IL22RA2: variants seen among roughly 807,000 people sequenced by gnomAD.
IL22RA2 encodes interleukin-22 receptor subunit alpha-2.
Under a neutral mutation model 30.7 loss-of-function variants are expected in IL22RA2, and 39 were observed. The observed-to-expected ratio is 1.27, with a 90% confidence interval of 0.98 to 1.66. The LOEUF (loss-of-function observed/expected upper bound fraction) is 1.66, where lower values mean the gene tolerates loss of function less well. Among genes scored for constraint, IL22RA2 ranks in the 40% most tolerant of loss-of-function variants. The pLI, the probability that IL22RA2 is intolerant of heterozygous loss-of-function variation, is 0.00. For synonymous variants in IL22RA2, 103 were observed against 105.0 expected, an observed-to-expected ratio of 0.98 and a Z score of 0.11; for missense variants, 315 against 312.7, an observed-to-expected ratio of 1.01 and a Z score of -0.05.
At chr6:137,168,675 A>G (rs1778673399) in intron 1 of IL22RA2, among the ~76,000 whole-genome samples, 1 of 152,180 alleles carries the variant, frequency 6.6e-6, no homozygotes, top group Admixed American at 6.5e-5. Context: ...AGAGGAGAAG[A>G]TAGGGTACAC....
chr6:137,164,201 T>G (rs1778582367), intron 1 of IL22RA2, among the ~76,000 whole-genome samples: 1 of 152,212 alleles, frequency 6.6e-6, no homozygotes, highest in African/African-American at 2.4e-5. Context: ...TCACAGAAAC[T>G]GAGAACTTTT....
Position 137,158,406 on chromosome 6 carries a change from T to TTTTG in IL22RA2, c.137_138insCAAA (p.Gln46HisfsTer45). The TTTTG allele has an allele frequency of 6.2e-7, 1 of 1,614,150 alleles. No individual in the cohort carries two copies. The highest frequency in any genetic ancestry group is 8.5e-7 in the Non-Finnish European group (1 of 1,179,990). ...CAGTAAGTGCCCTCCCAGGCTGCCA[T>TTTTG]TGCAAAATGTTGTGAAAATTTCGGG... is the stretch of plus-strand genomic sequence containing the variant. On this transcript the variant is annotated frameshift_variant, in exon 3 of 7. Transcript: ENST00000296980. LOFTEE classifies it high-confidence loss of function.
At chr6:137,167,339 C>A (rs1582611388) in intron 1 of IL22RA2, among the ~76,000 whole-genome samples, 1 of 152,180 alleles carries the variant, frequency 6.6e-6, no homozygotes, top group Non-Finnish European at 1.5e-5. Context: ...GTCAGGTGCA[C>A]CCCTACTAAA....
chr6:137,164,466 G>C (rs896389527), intron 1 of IL22RA2, among the ~76,000 whole-genome samples: 5 of 152,208 alleles, frequency 3.3e-5, no homozygotes, highest in African/African-American at 9.7e-5. Flanking sequence ...AAACTGCAAG[G>C]CATCAGAAAA....
chr6:137,172,951 G>T (rs1376097837), intron 1 of IL22RA2, among the ~76,000 whole-genome samples: 1 of 152,088 alleles, frequency 6.6e-6, no homozygotes, highest in Non-Finnish European at 1.5e-5. Context: ...ATAATACAAA[G>T]GCCTGGGAAA....
At chr6:137,151,527 G>C (rs1267922530) in intron 5 of IL22RA2, among the ~76,000 whole-genome samples, 4 of 152,134 alleles carry the variant, frequency 2.6e-5, no homozygotes, top group Non-Finnish European at 5.9e-5. Context: ...GACACCAAAA[G>C]CACAAGCAAC....
chr6:137,150,560 C>CA (rs1275814437), intron 5 of IL22RA2, among the ~76,000 whole-genome samples: 4 of 147,520 alleles, frequency 2.7e-5, no homozygotes, highest in African/African-American at 7.6e-5. Context: ...AACACTATCC[C>CA]AATTTAAATA....
chr6:137,152,644 T>C (rs1378073307), intron 5 of IL22RA2, among the ~76,000 whole-genome samples: 1 of 152,248 alleles, frequency 6.6e-6, no homozygotes, highest in East Asian at 1.9e-4. Flanking sequence ...GTGATGGTTG[T>C]ACATATTTGT....
At chr6:137,146,656 A>C (rs1218227436) in intron 6 of IL22RA2, among the ~76,000 whole-genome samples, 1 of 152,188 alleles carries the variant, frequency 6.6e-6, no homozygotes, top group Non-Finnish European at 1.5e-5. Context: ...AACAAATTCA[A>C]TTATCCACCA....
chr6:137,157,403 C>T (rs77590198), intron 3 of IL22RA2, among the ~76,000 whole-genome samples: 7 of 152,106 alleles, frequency 4.6e-5, no homozygotes, highest in African/African-American at 1.7e-4. Flanking sequence ...AAGATTTGTA[C>T]ATTTTACAAT....
intron 5 of IL22RA2, among the ~76,000 whole-genome samples, chr6:137,150,480 A>AT (rs61381227): frequency 0.081 from 8,185 of 100,508 alleles, 446 homozygotes; most frequent in Middle Eastern, 0.13. Context: ...TTCTTTTCTG[A>AT]TTTTTTTTTT....
chr6:137,148,576 T>A (rs1445349629), intron 5 of IL22RA2, among the ~76,000 whole-genome samples: 1 of 152,186 alleles, frequency 6.6e-6, no homozygotes, highest in East Asian at 1.9e-4. Context: ...GTCTTCTGGT[T>A]CCCCTTTGAT....
At chr6:137,147,096 T>C (rs1778194297) in intron 6 of IL22RA2, among the ~76,000 whole-genome samples, 1 of 144,892 alleles carries the variant, frequency 6.9e-6, no homozygotes, top group Non-Finnish European at 1.5e-5. Flanking sequence ...ATGCCTGCAA[T>C]CCCAGCACTT....
At chr6:137,164,278 T>C (rs1350952352) in intron 1 of IL22RA2, among the ~76,000 whole-genome samples, 1 of 152,140 alleles carries the variant, frequency 6.6e-6, no homozygotes, top group Non-Finnish European at 1.5e-5. Context: ...AGGGAGATAA[T>C]TGGCCGAGTG....
chr6:137,163,492 A>C (rs914493575), intron 1 of IL22RA2, among the ~76,000 whole-genome samples: 7 of 152,230 alleles, frequency 4.6e-5, no homozygotes, highest in Non-Finnish European at 7.3e-5. Flanking sequence ...GCCCAGAAGG[A>C]GAACAGCCCT....
At chr6:137,170,821 G>A (rs376725059) in intron 1 of IL22RA2, among the ~76,000 whole-genome samples, 40 of 152,150 alleles carry the variant, frequency 2.6e-4, no homozygotes, top group African/African-American at 8.9e-4. Context: ...TGGTTTTGAC[G>A]TACAGGCAGG....
chr6:137,161,027 G>T (rs1024221801), intron 2 of IL22RA2, among the ~76,000 whole-genome samples: 1 of 152,192 alleles, frequency 6.6e-6, no homozygotes, highest in Non-Finnish European at 1.5e-5. Flanking sequence ...TTACAGGCTT[G>T]CTCAGAAGTA....
chr6:137,148,264 A>G (rs972175732), intron 5 of IL22RA2, among the ~76,000 whole-genome samples: 3 of 151,602 alleles, frequency 2.0e-5, no homozygotes, highest in African/African-American at 7.3e-5. Flanking sequence ...TTTTTTTTTG[A>G]GACAGGATCT....
intron 1 of IL22RA2, among the ~76,000 whole-genome samples, chr6:137,164,419 C>T (rs1407032763): frequency 1.3e-5 from 2 of 152,146 alleles, no homozygotes; most frequent in African/African-American, 2.4e-5. Context: ...TACTGTAAGA[C>T]TCTAACGGCC....
Sources: allele counts gnomAD v4.1 joint callset (sites outside exome capture counted in the v4.1 genomes callset), GRCh38; gene constraint gnomAD v4.1.1; transcripts MANE v1.5; gene names NCBI Gene and HGNC (gene_info 2026-07-23, HGNC 2026-07-21).